Variants in TNKS1BP1 observed in about 807,000 individuals in gnomAD.
The protein encoded by TNKS1BP1 is 182 kDa tankyrase-1-binding protein.
A neutral mutation model predicts 141.1 loss-of-function variants in TNKS1BP1; 48 were observed. The observed-to-expected ratio is 0.34, with a 90% confidence interval of 0.27 to 0.43. The LOEUF (loss-of-function observed/expected upper bound fraction) is 0.43. TNKS1BP1 is among the 20% of genes least tolerant of loss of function. The pLI, the probability that TNKS1BP1 is intolerant of heterozygous loss-of-function variation, is 1.00. For missense variants in TNKS1BP1, 2,149 were observed against 2,226.0 expected (o/e 0.97, Z 0.70); for synonymous variants, 875 against 898.2 (o/e 0.97, Z 0.46).
Position 57,313,136 on chromosome 11 carries a change from A to G in TNKS1BP1, c.1552T>C (p.Ser518Pro). ...TGAGACACTCCTTCTTCCCTGCTGGAAACGGCCAAGTTGCCAGCCTCAGCA... is the reference window on the plus strand; with the variant it reads ...TGAGACACTCCTTCTTCCCTGCTGGGAACGGCCAAGTTGCCAGCCTCAGCA... The part of the protein sequence containing the change: ...EAAEAGNLAV[S>P]SREEGVSQQG... The change falls in exon 5 of 12, where the codon TCC (serine) becomes CCC (proline). Residue 518 changes from serine (S) to proline (P), a missense_variant. By Grantham distance (74) the Ser-to-Pro change is moderately conservative. Transcript: ENST00000358252. The G allele has an allele frequency of 8.7e-6, 14 of 1,613,136 alleles. No homozygotes were observed. Among genetic ancestry groups the G allele is most frequent in the Non-Finnish European group, 1.1e-5 (13 of 1,180,020 alleles).
rs1855892853 is a variant in TNKS1BP1 at position 57,321,866 on chromosome 11, C to T, written c.20G>A (p.Arg7Lys). 5.6e-6 allele frequency: 9 copies of T among 1,614,132 alleles called. No individual in the cohort carries two copies. The highest frequency in any genetic ancestry group is 7.6e-6 in the Non-Finnish European group (9 of 1,180,008). ...TGGGGAAGCCATGGCTGAGCTTTCC[C>T]TGAGAGTAGACACTTTCATCACATG... is the stretch of plus-strand genomic sequence containing the variant. MKVSTL[R>K]ESSAMASPLP... The change falls in exon 2 of 12, where the codon AGG (arginine) becomes AAG (lysine). Residue 7 changes from arginine (R) to lysine (K), a missense_variant. Arg to Lys is a conservative substitution (Grantham distance 26). Coordinates refer to ENST00000358252, the MANE Select transcript of TNKS1BP1 (RefSeq NM_033396.3).
intron 4 of TNKS1BP1, among the ~76,000 whole-genome samples, chr11:57,315,696 G>T (rs1283735987): frequency 6.7e-6 from 1 of 148,488 alleles, no homozygotes; most frequent in Non-Finnish European, 1.5e-5. Flanking sequence ...TGATGGCCTT[G>T]CTTCCTGTTC....
chr11:57,302,337 G>C lies in TNKS1BP1; in HGVS notation c.4684-113C>G. ...CCTGCAGCCGGAGCTTCACGTTCAC[G>C]TGACGCACCTACAACCCGCTTTCTG... is the stretch of plus-strand genomic sequence containing the variant. On this transcript the variant is annotated intron_variant, in intron 7 of 11. Coordinates refer to ENST00000358252, the MANE Select transcript of TNKS1BP1 (RefSeq NM_033396.3). The surrounding 1 kb of genome is among the most constrained non-coding windows in gnomAD (Gnocchi z 5.5). 6.5e-7 allele frequency: 1 copy of C among 1,538,536 alleles called. No individual in the cohort carries two copies. The highest frequency in any genetic ancestry group is 8.8e-7 in the Non-Finnish European group (1 of 1,141,204).
rs1454586141 is a variant in TNKS1BP1 at position 57,302,550 on chromosome 11, C to T, written c.4592G>A (p.Arg1531Lys). 1 of 1,613,256 alleles carries T rather than the reference C, an allele frequency of 6.2e-7. No homozygotes were observed. Residue 1531 changes from arginine (R) to lysine (K), a missense_variant, in exon 7 of 12, where the codon AGG becomes AAG. Arg to Lys is a conservative substitution (Grantham distance 26). Transcript: ENST00000358252. The surrounding 1 kb of genome is among the most constrained non-coding windows in gnomAD (Gnocchi z 5.5). ...VDGTWGSSAA[R>K]WSDQGPAQTS... Reference sequence around the variant, plus strand: ...CTGTGCTGGCCCCTGATCGCTCCACCTGGCTGCTGAAGAGCCCCAGGTGCC... The same window carrying T: ...CTGTGCTGGCCCCTGATCGCTCCACTTGGCTGCTGAAGAGCCCCAGGTGCC...
chr11:57,314,127 A>C (rs963220400), intron 4 of TNKS1BP1, among the ~76,000 whole-genome samples: 18 of 152,164 alleles, frequency 1.2e-4, no homozygotes, highest in African/African-American at 3.6e-4. Context: ...TTATTCACAA[A>C]GCATAATTCC....
intron 5 of TNKS1BP1, chr11:57,311,316 C>T (rs1565042385): frequency 3.0e-6 from 3 of 985,696 alleles, no homozygotes; most frequent in Non-Finnish European, 3.6e-6. Flanking sequence ...TGGCCAGCAG[C>T]CGCTCCAGGA....
At position 57,300,599 on chromosome 11, in the gene TNKS1BP1, A is replaced by C; in HGVS notation, c.5131T>G (p.Ser1711Ala). The change falls in exon 11 of 12, where the codon TCA becomes GCA. Residue 1711 changes from serine to alanine, a missense_variant and splice_region_variant. Ser to Ala is a moderately conservative substitution (Grantham distance 99). Coordinates refer to ENST00000358252, the MANE Select transcript of TNKS1BP1 (RefSeq NM_033396.3). Reference protein sequence around the residue: ...LPPKPEKSSGSEGSSPNWLQA... With the variant: ...LPPKPEKSSGAEGSSPNWLQA... ...AGCCAGTTGGGCGACGATCCTTCTG[A>C]CCTAGGAGGCAGACGGCAAAGGTCC... The C allele has an allele frequency of 1.2e-6, 2 of 1,614,166 alleles. No homozygotes were observed. Among genetic ancestry groups the C allele is most frequent in the Non-Finnish European group, 1.7e-6 (2 of 1,180,030 alleles).
chr11:57,312,448 T>G, intron 5 of TNKS1BP1, 86 bp downstream of exon 5: 1 of 1,360,882 alleles, frequency 7.3e-7, no homozygotes, highest in Non-Finnish European at 9.6e-7. Context: ...GCTCTCGACA[T>G]GTAAAATCCA....
chr11:57,310,113 T>G lies in TNKS1BP1; in HGVS notation c.2598A>C (p.Glu866Asp), dbSNP rs1167942134. 1 of 1,614,054 alleles carries G rather than the reference T, an allele frequency of 6.2e-7. No homozygotes were observed. Among genetic ancestry groups the G allele is most frequent in the Non-Finnish European group, 8.5e-7 (1 of 1,180,004 alleles). The change falls in exon 6 of 12, where the codon GAA (glutamate) becomes GAC (aspartate). Residue 866 changes from glutamate to aspartate, a missense_variant. Physicochemically the swap from Glu to Asp is conservative, Grantham distance 45 (BLOSUM62 2). Transcript: ENST00000358252. ...TACCCAGTGAATCTCTCTTTCCGAATTCCTGGTCCTGGAGTTCTGCATCCC... is the reference window on the plus strand; with the variant it reads ...TACCCAGTGAATCTCTCTTTCCGAAGTCCTGGTCCTGGAGTTCTGCATCCC... ...SSRDAELQDQ[E>D]FGKRDSLGTY...
chr11:57,312,193 G>A (rs1329405505), intron 5 of TNKS1BP1, among the ~76,000 whole-genome samples: 5 of 152,136 alleles, frequency 3.3e-5, no homozygotes, highest in Admixed American at 6.5e-5. Context: ...CACCTGCCAC[G>A]CACTGTGCCG....
chr11:57,311,236 A>G, intron 5 of TNKS1BP1: 1 of 984,904 alleles, frequency 1.0e-6, no homozygotes, highest in Non-Finnish European at 1.2e-6. Context: ...TCCCTGACTC[A>G]CCCTTGTGGG....
In TNKS1BP1 at chr11:57,310,008, A is replaced by C. The variant is rs147963947; in HGVS notation, c.2703T>G (p.Asp901Glu). The stretch of plus-strand genomic sequence containing the variant: ...CCAAATCTTGGCCCTGCTCGTTGGC[A>C]TCTTGGCTGGCATAAGCACCCAGAG... ...RDSLGAYASQDANEQGQDLGK... is the reference protein window; with the variant it reads ...RDSLGAYASQEANEQGQDLGK... Residue 901 changes from aspartate (D) to glutamate (E), a missense_variant, in exon 6 of 12, where the codon GAT (aspartate) becomes GAG (glutamate). Physicochemically the swap from Asp to Glu is conservative, Grantham distance 45 (BLOSUM62 2). Coordinates refer to ENST00000358252, the MANE Select transcript of TNKS1BP1 (RefSeq NM_033396.3). The C allele has an allele frequency of 1.4e-5, 22 of 1,613,870 alleles. No individual in the cohort carries two copies. The African/African-American group carries it at 2.9e-4, about 22-fold the overall frequency.
chr11:57,324,252 G>A (rs1438368694), intron 1 of TNKS1BP1, among the ~76,000 whole-genome samples: 1 of 152,208 alleles, frequency 6.6e-6, no homozygotes, highest in African/African-American at 2.4e-5. Flanking sequence ...GAAAGAGGGA[G>A]GGCCAACGGG....
chr11:57,302,168 C>T lies in TNKS1BP1; in HGVS notation c.4740G>A (p.Lys1580=), dbSNP rs1377457543. The T allele has an allele frequency of 2.5e-6, 4 of 1,613,404 alleles. No homozygotes were observed. Among genetic ancestry groups the T allele is most frequent in the Non-Finnish European group, 3.4e-6 (4 of 1,179,998 alleles). Residue 1580 remains lysine, a synonymous_variant, in exon 8 of 12, where the codon AAG becomes AAA. Coordinates refer to ENST00000358252, the MANE Select transcript of TNKS1BP1 (RefSeq NM_033396.3). This position sits in a 1 kb window ranked among gnomAD's most constrained non-coding sequence, Gnocchi z 5.5. Reference sequence around the variant, plus strand: ...GAATGACCGGGGCCCGGTGCCCACGCTTGCGCCCCAAGTTGGCACGGCTCC... The same window carrying T: ...GAATGACCGGGGCCCGGTGCCCACGTTTGCGCCCCAAGTTGGCACGGCTCC... ...MYRSRANLGR[K]RGHRAPVIRP... is the part of the protein sequence containing the mutation.
intron 5 of TNKS1BP1, chr11:57,311,313 C>A: frequency 1.0e-6 from 1 of 985,850 alleles, no homozygotes; most frequent in Non-Finnish European, 1.2e-6. Context: ...CGTTGGCCAG[C>A]AGCCGCTCCA....
rs1855729659 is a variant in TNKS1BP1, at chr11:57,312,591, T to A, written c.2097A>T (p.Ala699=). Residue 699 remains alanine, a synonymous_variant, in exon 5 of 12, where the codon GCA becomes GCT. Transcript: ENST00000358252. The part of the protein sequence containing the change: ...LASPPPSGGG[A]RRGAGAELKD... ...TCAGCTCAGCTCCAGCTCCCCGCCTTGCACCGCCACCACTGGGTGGTGGTG... is the reference window on the plus strand; with the variant it reads ...TCAGCTCAGCTCCAGCTCCCCGCCTAGCACCGCCACCACTGGGTGGTGGTG... 6.6e-7 allele frequency: 1 copy of A among 1,522,528 alleles called. No homozygotes were observed. Among genetic ancestry groups the A allele is most frequent in the Non-Finnish European group, 8.8e-7 (1 of 1,137,084 alleles). The allele number at this position is 1,522,528 out of a possible 1,614,324, so 94.3% of individuals were successfully genotyped here.
intron 1 of TNKS1BP1, among the ~76,000 whole-genome samples, chr11:57,323,647 A>AC (rs1855918131): frequency 6.6e-6 from 1 of 152,158 alleles, no homozygotes; most frequent in Admixed American, 6.5e-5. Flanking sequence ...AGTACTGTCA[A>AC]CCCATTGGTC....
Position 57,302,139 on chromosome 11 carries a change from G to A in TNKS1BP1, c.4769C>T (p.Pro1590Leu), listed in dbSNP as rs949990362. The change falls in exon 8 of 12, where the codon CCT becomes CTT. Residue 1590 changes from proline to leucine, a missense_variant. Pro to Leu is a moderately conservative substitution (Grantham distance 98, BLOSUM62 -3). Coordinates refer to ENST00000358252, the MANE Select transcript of TNKS1BP1 (RefSeq NM_033396.3). The surrounding 1 kb of genome is among the most constrained non-coding windows in gnomAD (Gnocchi z 5.5). ...CTCCGACAGGCCCAAGGTACCCCCA[G>A]GCCGAATGACCGGGGCCCGGTGCCC... is the stretch of plus-strand genomic sequence containing the variant. ...KRGHRAPVIRPGGTLGLSEAA... is the reference protein window; with the variant it reads ...KRGHRAPVIRLGGTLGLSEAA... 2.5e-6 allele frequency: 4 copies of A among 1,613,832 alleles called. No homozygotes were observed. In the South Asian group the frequency reaches 3.3e-5, roughly 13 times the overall value.
chr11:57,311,357 G>A, intron 5 of TNKS1BP1: 3 of 985,760 alleles, frequency 3.0e-6, no homozygotes, highest in Non-Finnish European at 3.6e-6. Flanking sequence ...TCCCCAGGCT[G>A]GGCCATGGCC....
Sources: allele counts gnomAD v4.1 joint callset (sites outside exome capture counted in the v4.1 genomes callset), GRCh38; gene constraint gnomAD v4.1.1; non-coding constraint Gnocchi (gnomAD v3.1); transcripts MANE v1.5; gene names NCBI Gene and HGNC (gene_info 2026-07-23, HGNC 2026-07-21).